Variants in BRF1 observed in about 807,000 individuals in gnomAD.
The protein encoded by BRF1 is transcription factor IIIB 90 kDa subunit.
BRF1 carries 59 observed loss-of-function variants against 81.7 expected under a neutral mutation model. The observed-to-expected ratio is 0.72, with a 90% CI of 0.59 to 0.90. The LOEUF is 0.90. BRF1 is among the 40% of genes least tolerant of loss of function. BRF1 has a pLI of 0.00. For missense variants in BRF1, 1,050 were observed against 936.3 expected (o/e 1.12, Z -1.58); for synonymous variants, 491 against 395.6 (o/e 1.24, Z -2.86).
At chr14:105,228,549 A>G (rs1241528164) in intron 7 of BRF1, among the ~76,000 whole-genome samples, 2 of 151,936 alleles carry the variant, frequency 1.3e-5, no homozygotes, top group African/African-American at 2.4e-5. Flanking sequence ...TCCTCAAAAA[A>G]AAAAAAAAAA....
chr14:105,250,688 T>C, intron 5 of BRF1: 1 of 1,595,598 alleles, frequency 6.3e-7, no homozygotes, highest in Non-Finnish European at 8.6e-7. Context: ...CCGGGGAGGC[T>C]GCAGCAGGTC....
At position 105,308,481 on chromosome 14, in the gene BRF1, C is replaced by CTTT. The variant is rs1227708197; in HGVS notation, c.-162+6838_-162+6840dup. On this transcript the variant is annotated intron_variant, in intron 1 of 17. Transcript: ENST00000327359. Reference sequence around the variant, plus strand: ...TGGGCACGACAGAGGCAGATTCTGTCTTTTTTTTTTTTTTTTTTTGAGATG... The same window carrying CTTT: ...TGGGCACGACAGAGGCAGATTCTGTCTTTTTTTTTTTTTTTTTTTTTTGAGATG... Among the ~76,000 whole-genome samples, 1,106 of 124,582 alleles carry CTTT rather than the reference C, an allele frequency of 8.9e-3. 30 individuals carry two copies. Among genetic ancestry groups the CTTT allele is most frequent in the African/African-American group, 0.034 (1,041 of 30,986 alleles). 81.7% of individuals were successfully genotyped at this position (124,582 alleles called of 152,430 possible).
chr14:105,217,456 GC>G, intron 15 of BRF1, 87 bp downstream of exon 15: 1 of 1,551,378 alleles, frequency 6.4e-7, no homozygotes, highest in Non-Finnish European at 8.7e-7. Flanking sequence ...GCCCCGGCTG[GC>G]CCCCGGCAGC....
intron 15 of BRF1, among the ~76,000 whole-genome samples, chr14:105,216,712 G>A (rs587619594): frequency 1.3e-4 from 20 of 152,328 alleles, no homozygotes; most frequent in African/African-American, 3.8e-4. Context: ...AGGCCCTGAC[G>A]GGGCTGCCGA....
At chr14:105,274,826 C>T (rs1036783366) in intron 2 of BRF1, among the ~76,000 whole-genome samples, 1 of 152,210 alleles carries the variant, frequency 6.6e-6, no homozygotes, top group African/African-American at 2.4e-5. Flanking sequence ...CTTTACTGCC[C>T]CCACTTCTGT....
At chr14:105,219,450 ATG>A (rs1337666402) in intron 12 of BRF1, 5 of 1,021,322 alleles carry the variant, frequency 4.9e-6, no homozygotes, top group Non-Finnish European at 1.4e-6. Context: ...CGCAGGCCAC[ATG>A]TGTGAGACCC....
At chr14:105,215,941 A>T (rs1385881120) in intron 15 of BRF1, among the ~76,000 whole-genome samples, 1 of 137,900 alleles carries the variant, frequency 7.3e-6, no homozygotes, top group East Asian at 2.4e-4. Context: ...CACACTGCAT[A>T]CACAGACACA....
At chr14:105,215,892 C>CACAGGCACACACACACTGCATACGCAG (rs374712928) in intron 15 of BRF1, among the ~76,000 whole-genome samples, 2 of 149,696 alleles carry the variant, frequency 1.3e-5, no homozygotes, top group East Asian at 2.0e-4. Context: ...GGCATACAGA[C>CACAGGCACACACACACTGCATACGCAG]ACAGGCACAC....
chr14:105,226,963 AAT>A, intron 7 of BRF1: 8 of 635,752 alleles, frequency 1.3e-5, no homozygotes, highest in East Asian at 3.2e-5. Flanking sequence ...AAAAAAAAAA[AAT>A]TAGCCACGCA....
intron 12 of BRF1, 107 bp downstream of exon 12, chr14:105,219,962 G>T: frequency 8.1e-7 from 1 of 1,235,728 alleles, no homozygotes; most frequent in Non-Finnish European, 1.2e-6. Context: ...CAGCGGGGTG[G>T]GCTCTGGGCA....
chr14:105,312,521 G>A (rs771435332), intron 1 of BRF1, among the ~76,000 whole-genome samples: 1 of 152,090 alleles, frequency 6.6e-6, no homozygotes, highest in African/African-American at 2.4e-5. Flanking sequence ...TAAAGAAAAC[G>A]CTACCAGAGA....
intron 3 of BRF1, among the ~76,000 whole-genome samples, chr14:105,257,112 C>T (rs1198729290): frequency 5.9e-5 from 9 of 152,116 alleles, no homozygotes; most frequent in Non-Finnish European, 1.2e-4. Context: ...GTGGGGACCC[C>T]GCACAGGACC....
chr14:105,243,925 G>A (rs943669862), intron 5 of BRF1, among the ~76,000 whole-genome samples: 3 of 152,118 alleles, frequency 2.0e-5, no homozygotes, highest in East Asian at 1.9e-4. Context: ...GCTTGAACCC[G>A]GGAGGTGGAG....
chr14:105,258,554 T>C (rs1396120305), intron 3 of BRF1, among the ~76,000 whole-genome samples: 1 of 149,752 alleles, frequency 6.7e-6, no homozygotes, highest in Non-Finnish European at 1.5e-5. Flanking sequence ...TCCCAACACT[T>C]TGGGAGGCCG....
In BRF1 at chr14:105,241,412, G is replaced by T. The variant is rs1056689926; in HGVS notation, c.547C>A (p.Pro183Thr). ...ELCINAPAID[P>T]CLYIPRFAHL... is the part of the protein sequence containing the mutation. ...GCAAAGCGTGGAATATACAGGCACG[G>T]GTCTGCGGCAGACACAGCACCTCAG... Residue 183 changes from proline to threonine, a missense_variant and splice_region_variant, in exon 6 of 18, where the codon CCG becomes ACG. By Grantham distance (38) the Pro-to-Thr change is conservative. Coordinates refer to ENST00000547530, the MANE Select transcript of BRF1 (RefSeq NM_001519.4). The T allele has an allele frequency of 2.5e-6, 4 of 1,611,390 alleles. No homozygotes were observed. In the African/African-American group the frequency reaches 4.0e-5, roughly 16 times the overall value.
intron 2 of BRF1, among the ~76,000 whole-genome samples, chr14:105,273,614 C>G (rs939309709): frequency 6.6e-6 from 1 of 152,204 alleles, no homozygotes; most frequent in Admixed American, 6.5e-5. Flanking sequence ...TTTGCCCCAA[C>G]CTGGAGCTCA....
chr14:105,226,944 A>AC, intron 7 of BRF1, 184 bp from the exon 8 acceptor site: 1 of 663,606 alleles, frequency 1.5e-6, no homozygotes, highest in Admixed American at 3.5e-5. Flanking sequence ...CTCTGTCTCT[A>AC]CCCAAAAAAA....
In BRF1 at chr14:105,294,052, C is replaced by T. The variant is rs587676926; in HGVS notation, c.184+6394G>A. ...TGAGAAGCCACCAAGGTTTCCAGCC[C>T]CCTGTGATCACCACTGTGACGAGGG... is the stretch of plus-strand genomic sequence containing the variant. On this transcript the variant is annotated intron_variant, in intron 1 of 17. Coordinates refer to ENST00000547530, the MANE Select transcript of BRF1 (RefSeq NM_001519.4). Among the ~76,000 whole-genome samples the T allele has an allele frequency of 2.6e-5, 4 of 152,288 alleles. No individual in the cohort carries two copies. The East Asian group carries it at 7.7e-4, about 29-fold the overall frequency.
intron 15 of BRF1, 55 bp from the exon 16 acceptor site, chr14:105,212,219 C>T (rs1030356080): frequency 1.3e-6 from 2 of 1,575,764 alleles, no homozygotes; most frequent in Non-Finnish European, 1.7e-6. Flanking sequence ...AACGCCTGCC[C>T]ACTTGTTCCC....
Sources: gnomAD v4.1 joint callset for allele counts (sites outside exome capture counted in the v4.1 genomes callset) on GRCh38, gnomAD v4.1.1 for gene constraint, MANE v1.5 for transcripts, NCBI Gene and HGNC (gene_info 2026-07-23, HGNC 2026-07-21) for gene names.